NELL1: variants seen among roughly 807,000 people sequenced by gnomAD.
NELL1 encodes neural EGFL like 1.
A neutral mutation model predicts 107.4 loss-of-function variants in NELL1; 76 were observed. The observed-to-expected ratio is 0.71, with a 90% CI of 0.59 to 0.86. The LOEUF (loss-of-function observed/expected upper bound fraction) is 0.86. Among genes scored for constraint, NELL1 ranks in the 40% least tolerant of loss-of-function variants. The probability of loss-of-function intolerance (pLI) is 0.00; values close to 1 mark genes in which losing one functional copy is unlikely to be tolerated. For missense variants in NELL1, 1,024 were observed against 1,005.5 expected (o/e 1.02, Z -0.25); for synonymous variants, 353 against 341.2 (o/e 1.03, Z -0.38).
chr11:20,846,071 T>G (rs1848696810), intron 3 of NELL1, among the ~76,000 whole-genome samples: 2 of 152,342 alleles, frequency 1.3e-5, no homozygotes, highest in South Asian at 4.1e-4. Context: ...TTTTGTGCAG[T>G]CTTATAAAGT....
intron 1 of NELL1, among the ~76,000 whole-genome samples, 167 bp from the exon 2 acceptor site, chr11:20,677,765 G>A (rs563845110): frequency 4.8e-4 from 73 of 152,216 alleles, no homozygotes; most frequent in Non-Finnish European, 9.9e-4. Flanking sequence ...CAGTATTAGC[G>A]GGGTAAGGGA....
At chr11:20,851,346 T>G (rs566571900) in intron 4 of NELL1, among the ~76,000 whole-genome samples, 1 of 152,316 alleles carries the variant, frequency 6.6e-6, no homozygotes, top group South Asian at 2.1e-4. Context: ...TTCAGCTGTT[T>G]AGCTGGGCTT....
chr11:21,385,802 T>G (rs1235796719), intron 15 of NELL1, among the ~76,000 whole-genome samples: 1 of 151,912 alleles, frequency 6.6e-6, no homozygotes, highest in Non-Finnish European at 1.5e-5. Context: ...CATTTTAACT[T>G]TTAATCAATA....
At chr11:21,019,288 A>G (rs1852642826) in intron 12 of NELL1, among the ~76,000 whole-genome samples, 1 of 152,108 alleles carries the variant, frequency 6.6e-6, no homozygotes, top group South Asian at 2.1e-4. Context: ...GTGAGCTTTT[A>G]CATAGGAACA....
At chr11:21,545,626 G>T (rs563818965) in intron 16 of NELL1, among the ~76,000 whole-genome samples, 1 of 151,708 alleles carries the variant, frequency 6.6e-6, no homozygotes, top group African/African-American at 2.4e-5. Flanking sequence ...AGACCTTGAA[G>T]TTGATAAGCA....
At chr11:21,554,077 A>G (rs1184907122) in intron 16 of NELL1, among the ~76,000 whole-genome samples, 1 of 151,848 alleles carries the variant, frequency 6.6e-6, no homozygotes, top group African/African-American at 2.4e-5. Flanking sequence ...ACTCTGTTTA[A>G]ACAGCAAGTA....
intron 12 of NELL1, among the ~76,000 whole-genome samples, chr11:21,090,010 G>A (rs186036645): frequency 4.5e-4 from 68 of 152,320 alleles, no homozygotes; most frequent in African/African-American, 1.5e-3. Context: ...ACTAGCTATA[G>A]TGGAGGAGAG....
intron 15 of NELL1, among the ~76,000 whole-genome samples, chr11:21,501,612 G>A (rs947116025): frequency 6.6e-6 from 1 of 152,120 alleles, no homozygotes; most frequent in African/African-American, 2.4e-5. Context: ...GTGCATTATT[G>A]GGATTTAAAC....
At chr11:21,464,890 A>T (rs1219055968) in intron 15 of NELL1, among the ~76,000 whole-genome samples, 1 of 152,164 alleles carries the variant, frequency 6.6e-6, no homozygotes, top group African/African-American at 2.4e-5. Flanking sequence ...TTTTAGAAAT[A>T]CTGCCATTCA....
At chr11:20,759,855 C>T (rs1448553545) in intron 2 of NELL1, among the ~76,000 whole-genome samples, 1 of 152,206 alleles carries the variant, frequency 6.6e-6, no homozygotes, top group African/African-American at 2.4e-5. Flanking sequence ...CAGAAGGACT[C>T]TTACTCCAAT....
At chr11:21,416,813 T>C (rs1344347133) in intron 15 of NELL1, among the ~76,000 whole-genome samples, 2 of 152,116 alleles carry the variant, frequency 1.3e-5, no homozygotes, top group African/African-American at 4.8e-5. Context: ...GTGACACATA[T>C]GGAAAAATTC....
chr11:21,495,921 T>G (rs1018747016), intron 15 of NELL1, among the ~76,000 whole-genome samples: 3 of 152,082 alleles, frequency 2.0e-5, no homozygotes. Flanking sequence ...TATTGTCATA[T>G]ATGAGCTGCT....
chr11:21,422,495 C>G (rs1220732121), intron 15 of NELL1, among the ~76,000 whole-genome samples: 1 of 151,776 alleles, frequency 6.6e-6, no homozygotes, highest in Admixed American at 6.6e-5. Flanking sequence ...ATGAATTTAA[C>G]AAGAACAATT....
intron 12 of NELL1, among the ~76,000 whole-genome samples, chr11:20,999,889 A>T (rs1852177595): frequency 6.6e-6 from 1 of 152,126 alleles, no homozygotes; most frequent in African/African-American, 2.4e-5. Flanking sequence ...TTTTAGCTCT[A>T]ATCTGCCACC....
chr11:20,745,904 A>T (rs1169553798), intron 2 of NELL1, among the ~76,000 whole-genome samples: 1 of 152,224 alleles, frequency 6.6e-6, no homozygotes, highest in Non-Finnish European at 1.5e-5. Context: ...CTCTGAGCTT[A>T]GTGTTCTTTC....
intron 15 of NELL1, among the ~76,000 whole-genome samples, chr11:21,479,778 T>C (rs1854443983): frequency 6.6e-6 from 1 of 152,154 alleles, no homozygotes; most frequent in Non-Finnish European, 1.5e-5. Context: ...CGTATGTCTG[T>C]GTCAAAATAT....
intron 15 of NELL1, among the ~76,000 whole-genome samples, chr11:21,511,925 G>A (rs1855445751): frequency 6.6e-6 from 1 of 152,202 alleles, no homozygotes; most frequent in African/African-American, 2.4e-5. Context: ...ATACTGTATT[G>A]TGTAAGATGC....
At position 21,128,457 on chromosome 11, in the gene NELL1, A is replaced by T. The variant is rs903702997; in HGVS notation, c.1426+14743A>T. ...TTCAAATAGCTGGGATGTTAGAGAC[A>T]TATAAGGCATCAGAAATATCTTCAG... On this transcript the variant is annotated intron_variant, in intron 13 of 19. Transcript: ENST00000357134. Among the ~76,000 whole-genome samples the T allele has an allele frequency of 5.3e-5, 8 of 152,302 alleles. No homozygotes were observed. The East Asian group carries it at 1.5e-3, about 29-fold the overall frequency.
intron 12 of NELL1, among the ~76,000 whole-genome samples, chr11:21,065,602 T>G (rs1441720495): frequency 6.6e-6 from 1 of 152,214 alleles, no homozygotes; most frequent in Admixed American, 6.5e-5. Context: ...TGCGTTGCAT[T>G]CAAAGAGAAC....
Sources: gnomAD v4.1 joint callset for allele counts (sites outside exome capture counted in the v4.1 genomes callset) on GRCh38, gnomAD v4.1.1 for gene constraint, MANE v1.5 for transcripts, NCBI Gene and HGNC (gene_info 2026-07-23, HGNC 2026-07-21) for gene names.